Variants in ENOX1 observed in about 807,000 individuals in gnomAD.
The protein encoded by ENOX1 is candidate growth-related and time keeping constitutive hydroquinone (NADH) oxidase.
ENOX1 carries 42 observed loss-of-function variants against 82.5 expected under a neutral mutation model. The ratio of observed to expected loss-of-function variants is 0.51; its 90% confidence interval spans 0.40 to 0.66. The LOEUF (loss-of-function observed/expected upper bound fraction) is 0.66. Ranked by LOEUF, ENOX1 falls within the 30% of genes least tolerant of loss-of-function variation. The pLI, the probability that ENOX1 is intolerant of heterozygous loss-of-function variation, is 0.00. For synonymous variants in ENOX1, 271 were observed against 282.2 expected, an observed-to-expected ratio of 0.96 and a Z score of 0.40; for missense variants, 608 against 811.6, an observed-to-expected ratio of 0.75 and a Z score of 3.05.
chr13:43,626,830 T>A (rs2082984736), intron 2 of ENOX1, among the ~76,000 whole-genome samples: 1 of 151,936 alleles, frequency 6.6e-6, no homozygotes, highest in Non-Finnish European at 1.5e-5. Context: ...TGTGAGATAT[T>A]CTATATCCTT....
intron 8 of ENOX1, among the ~76,000 whole-genome samples, chr13:43,345,672 C>T (rs1159594857): frequency 6.6e-6 from 1 of 152,162 alleles, no homozygotes; most frequent in Non-Finnish European, 1.5e-5. Flanking sequence ...AGAACATTAA[C>T]CAATCTGACT....
Position 43,274,570 on chromosome 13 carries a change from A to G in ENOX1, c.1447-4993T>C, listed in dbSNP as rs939460301. 2.0e-5 allele frequency among the ~76,000 whole-genome samples: 3 copies of G among 152,218 alleles called. No individual in the cohort carries two copies. In the East Asian group the frequency reaches 5.8e-4, roughly 29 times the overall value. On this transcript the variant is annotated intron_variant, in intron 12 of 16. Coordinates refer to ENST00000690772, the MANE Select transcript of ENOX1 (RefSeq NM_001347969.2). Reference sequence around the variant, plus strand: ...GAATTTTTAAGTACTAAAGTGCCTCAATTATAGAAGTTCATAAGCAGCTAG... The same window carrying G: ...GAATTTTTAAGTACTAAAGTGCCTCGATTATAGAAGTTCATAAGCAGCTAG...
chr13:43,753,514 C>T (rs534785569), intron 1 of ENOX1, among the ~76,000 whole-genome samples: 13 of 152,250 alleles, frequency 8.5e-5, no homozygotes, highest in African/African-American at 2.6e-4. Flanking sequence ...TATTGCACCC[C>T]AGAACCTTGC....
chr13:43,240,131 A>G (rs2042746459), intron 14 of ENOX1, among the ~76,000 whole-genome samples: 1 of 152,208 alleles, frequency 6.6e-6, no homozygotes, highest in Non-Finnish European at 1.5e-5. Flanking sequence ...TGTGGAATTA[A>G]TTAATTCCCA....
At chr13:43,759,396 C>A (rs948535117) in intron 1 of ENOX1, among the ~76,000 whole-genome samples, 2 of 152,156 alleles carry the variant, frequency 1.3e-5, no homozygotes, top group African/African-American at 4.8e-5. Context: ...CTGCTCCCAG[C>A]TGCTTGAACT....
At chr13:43,720,322 C>T (rs1383979490) in intron 1 of ENOX1, among the ~76,000 whole-genome samples, 5 of 152,222 alleles carry the variant, frequency 3.3e-5, no homozygotes, top group Admixed American at 2.0e-4. Flanking sequence ...GTACTTCCAT[C>T]TCTCAGTGAC....
At chr13:43,712,157 A>T (rs2087767519) in intron 1 of ENOX1, among the ~76,000 whole-genome samples, 1 of 147,926 alleles carries the variant, frequency 6.8e-6, no homozygotes, top group Admixed American at 6.8e-5. Flanking sequence ...CAGTTTTCCC[A>T]GCACCATTTA....
intron 9 of ENOX1, among the ~76,000 whole-genome samples, chr13:43,330,809 C>T (rs906232800): frequency 1.3e-5 from 2 of 152,160 alleles, no homozygotes; most frequent in African/African-American, 4.8e-5. Flanking sequence ...CATTAGCTTA[C>T]ACATATGTAT....
At chr13:43,470,104 C>G (rs1346390213) in intron 3 of ENOX1, among the ~76,000 whole-genome samples, 3 of 150,344 alleles carry the variant, frequency 2.0e-5, no homozygotes, top group Admixed American at 6.6e-5. Context: ...CCTCACACAA[C>G]AAATAAAAAT....
At chr13:43,724,733 G>T (rs1230201213) in intron 1 of ENOX1, among the ~76,000 whole-genome samples, 1 of 152,166 alleles carries the variant, frequency 6.6e-6, no homozygotes, top group Non-Finnish European at 1.5e-5. Context: ...CTAATCCATA[G>T]TTATCTAATT....
At chr13:43,327,104 C>G (rs1442515274) in intron 9 of ENOX1, among the ~76,000 whole-genome samples, 1 of 152,152 alleles carries the variant, frequency 6.6e-6, no homozygotes, top group African/African-American at 2.4e-5. Flanking sequence ...CCTTTTTCCT[C>G]CCCCTGTTGC....
intron 3 of ENOX1, among the ~76,000 whole-genome samples, chr13:43,455,387 T>TA (rs2057176886): frequency 6.6e-6 from 1 of 152,182 alleles, no homozygotes. Context: ...TCTGAAGTCT[T>TA]AGAGTAAAGA....
chr13:43,589,666 C>A (rs532268542), intron 2 of ENOX1, among the ~76,000 whole-genome samples: 4 of 152,018 alleles, frequency 2.6e-5, no homozygotes, highest in African/African-American at 9.7e-5. Flanking sequence ...CTATGCCCAA[C>A]TAATTTTTTA....
intron 1 of ENOX1, among the ~76,000 whole-genome samples, chr13:43,777,916 G>C (rs17539466): frequency 0.065 from 9,939 of 152,212 alleles, 469 homozygotes; most frequent in Middle Eastern, 0.12. Context: ...CAATTAACAA[G>C]GCTTCTTCTT....
intron 14 of ENOX1, among the ~76,000 whole-genome samples, chr13:43,243,135 CA>C (rs748084568): frequency 0.23 from 18,743 of 81,364 alleles, 868 homozygotes; most frequent in Admixed American, 0.31. Flanking sequence ...GACTCTGTCT[CA>C]AAAAAAAAAA....
At chr13:43,410,831 C>T (rs749124462) in intron 5 of ENOX1, among the ~76,000 whole-genome samples, 8 of 152,166 alleles carry the variant, frequency 5.3e-5, no homozygotes, top group Non-Finnish European at 1.0e-4. Flanking sequence ...CCCTCACCTA[C>T]TTTGATGGCC....
At chr13:43,647,343 T>C (rs117421577) in intron 2 of ENOX1, among the ~76,000 whole-genome samples, 1 of 152,316 alleles carries the variant, frequency 6.6e-6, no homozygotes, top group East Asian at 1.9e-4. Flanking sequence ...GACACCACCA[T>C]TGCTACCACT....
intron 9 of ENOX1, among the ~76,000 whole-genome samples, chr13:43,337,354 G>A (rs540848109): frequency 6.6e-6 from 1 of 152,274 alleles, no homozygotes; most frequent in Admixed American, 6.5e-5. Context: ...TTGCTAGAGG[G>A]AAAATCAAGC....
In ENOX1 at chr13:43,459,734, C is replaced by G. The variant is rs539775065; in HGVS notation, c.-75+24275G>C. 4.6e-5 allele frequency among the ~76,000 whole-genome samples: 7 copies of G among 152,306 alleles called. No individual in the cohort carries two copies. In the East Asian group the frequency reaches 1.4e-3, roughly 29 times the overall value. On this transcript the variant is annotated intron_variant, in intron 3 of 16. Transcript: ENST00000690772. The stretch of plus-strand genomic sequence containing the variant: ...CTCTGCTGGGTGCGGTGGCTCCCAC[C>G]TGTAATCCCAGCACTTTGGGAGGCT...
Sources: allele counts gnomAD v4.1 joint callset (sites outside exome capture counted in the v4.1 genomes callset), GRCh38; gene constraint gnomAD v4.1.1; transcripts MANE v1.5; gene names NCBI Gene and HGNC (gene_info 2026-07-23, HGNC 2026-07-21).